Variants in AKAP9 observed in about 807,000 individuals in gnomAD.
The protein encoded by AKAP9 is A-kinase anchor protein 9.
AKAP9 carries 311 observed loss-of-function variants against 488.5 expected under a neutral mutation model. The observed-to-expected ratio is 0.64, with a 90% CI of 0.58 to 0.70. AKAP9 has a LOEUF of 0.70. Among genes scored for constraint, AKAP9 ranks in the 30% least tolerant of loss-of-function variants. The pLI is 0.00. For synonymous variants in AKAP9, 1,462 were observed against 1,483.5 expected, an observed-to-expected ratio of 0.99 and a Z score of 0.33; for missense variants, 4,215 against 4,374.5, an observed-to-expected ratio of 0.96 and a Z score of 1.03.
Position 92,077,804 on chromosome 7 carries a change from G to A in AKAP9, c.6874G>A (p.Val2292Ile), listed in dbSNP as rs751592694. 1 of 1,613,684 alleles carries A rather than the reference G, an allele frequency of 6.2e-7. No homozygotes were observed. The highest frequency in any genetic ancestry group is 8.5e-7 in the Non-Finnish European group (1 of 1,179,834). Reference protein sequence around the residue: ...KFAQIIQEKEVEIDQLNEQVT... With the variant: ...KFAQIIQEKEIEIDQLNEQVT... ...TGCTCAAATAATACAGGAAAAAGAGGTAGAAATTGACCAATTAAATGAACA... is the reference window on the plus strand; with the variant it reads ...TGCTCAAATAATACAGGAAAAAGAGATAGAAATTGACCAATTAAATGAACA... The change falls in exon 30 of 50, where the codon GTA becomes ATA. Residue 2292 changes from valine to isoleucine, a missense_variant. By Grantham distance (29) the Val-to-Ile change is conservative. Around this residue, in one of 5 missense-constraint regions of AKAP9, gnomAD observed 1,476 missense variants for 1,477.4 expected, o/e 1.00. Transcript: ENST00000356239.
intron 1 of AKAP9, among the ~76,000 whole-genome samples, chr7:91,962,129 A>T (rs886730794): frequency 3.3e-5 from 5 of 152,206 alleles, no homozygotes; most frequent in African/African-American, 1.2e-4. Context: ...GCATCATTTC[A>T]GTATAAGATG....
At chr7:92,099,047 T>G (rs528948431) in intron 43 of AKAP9, among the ~76,000 whole-genome samples, 37 of 152,296 alleles carry the variant, frequency 2.4e-4, no homozygotes, top group African/African-American at 7.7e-4. Flanking sequence ...CCCTTTCTAC[T>G]TCCTGCTCCA....
Position 92,090,911 on chromosome 7 carries a change from T to TA in AKAP9, c.9358+1383dup, listed in dbSNP as rs963191507. Among the ~76,000 whole-genome samples the TA allele has an allele frequency of 4.1e-4, 62 of 152,334 alleles. 1 individual carries two copies. Among genetic ancestry groups the TA allele is most frequent in the African/African-American group, 1.5e-3 (61 of 41,578 alleles). ...ACACTTAGTAGCAGTATATGAGAGT[T>TA]ACGTTGCTTCACATCTTTGCCAACA... On this transcript the variant is annotated intron_variant, in intron 38 of 49. Coordinates refer to ENST00000356239, the MANE Select transcript of AKAP9 (RefSeq NM_005751.5).
intron 1 of AKAP9, among the ~76,000 whole-genome samples, chr7:91,971,260 T>A (rs1795039075): frequency 6.6e-6 from 1 of 152,190 alleles, no homozygotes; most frequent in African/African-American, 2.4e-5. Flanking sequence ...ATTCTCCTGT[T>A]GAGAGCCTCT....
In AKAP9 at chr7:92,065,721, C is replaced by T. The variant is rs375443806; in HGVS notation, c.6210+258C>T. On this transcript the variant is annotated intron_variant, in intron 25 of 49. Coordinates refer to ENST00000356239, the MANE Select transcript of AKAP9 (RefSeq NM_005751.5). ...ACATGATAAAAATTATGAATAAGCC[C>T]CACTAGTTTTCCAAATTCAGATCAG... is the stretch of plus-strand genomic sequence containing the variant. Among the ~76,000 whole-genome samples the T allele has an allele frequency of 6.6e-5, 10 of 151,996 alleles. No homozygotes were observed. In the East Asian group the frequency reaches 1.9e-3, roughly 29 times the overall value.
rs1027014437 is a variant in AKAP9, at chr7:92,065,238, A to G, written c.5985A>G (p.Leu1995=). The change falls in exon 25 of 50, where the codon CTA becomes CTG. Residue 1995 remains leucine, a synonymous_variant. Coordinates refer to ENST00000356239, the MANE Select transcript of AKAP9 (RefSeq NM_005751.5). The part of the protein sequence containing the change: ...AEAGPVEQQL[L]QETEKLMKEK... ...TTTTGTATTAATAAACAGAATTACTACAGGAGACAGAAAAATTAATGAAGG... is the reference window on the plus strand; with the variant it reads ...TTTTGTATTAATAAACAGAATTACTGCAGGAGACAGAAAAATTAATGAAGG... 2 of 1,591,858 alleles carry G rather than the reference A, an allele frequency of 1.3e-6. No individual in the cohort carries two copies. The highest frequency in any genetic ancestry group is 1.3e-5 in the African/African-American group (1 of 74,468).
chr7:91,988,768 C>A (rs1027503702), intron 3 of AKAP9, among the ~76,000 whole-genome samples: 5 of 152,076 alleles, frequency 3.3e-5, no homozygotes, highest in Admixed American at 6.6e-5. Flanking sequence ...TGAACCTGGG[C>A]ACATCACTTA....
In AKAP9 at chr7:92,017,114, G is replaced by T; in HGVS notation, c.3837+12G>T. The T allele has an allele frequency of 6.6e-7, 1 of 1,523,516 alleles. No individual in the cohort carries two copies. The highest frequency in any genetic ancestry group is 2.3e-5 in the East Asian group (1 of 43,288). 94.4% of individuals were successfully genotyped at this position (1,523,516 alleles called of 1,614,324 possible). On this transcript the variant is annotated intron_variant, in intron 12 of 49. Transcript: ENST00000356239. ...CACGACTAAGCAAGGTCTGTGAGATGGAAAATATATTGTAATATTTGCATT... is the reference window on the plus strand; with the variant it reads ...CACGACTAAGCAAGGTCTGTGAGATTGAAAATATATTGTAATATTTGCATT...
At chr7:91,959,464 A>T (rs201303390) in intron 1 of AKAP9, among the ~76,000 whole-genome samples, 1 of 9,344 alleles carries the variant, frequency 1.1e-4, no homozygotes, top group Non-Finnish European at 3.3e-4. Context: ...GGCTAATTTA[A>T]AAAAAAAAAA....
At chr7:92,073,155 T>G (rs1014256548) in intron 28 of AKAP9, among the ~76,000 whole-genome samples, 1 of 151,998 alleles carries the variant, frequency 6.6e-6, no homozygotes, top group Non-Finnish European at 1.5e-5. Flanking sequence ...ATCTACTGTG[T>G]AATTAAGGAG....
intron 17 of AKAP9, 28 bp from the exon 18 acceptor site, chr7:92,040,646 G>GTTTTTTTTTTTTTTTTT: frequency 1.8e-6 from 2 of 1,118,958 alleles, no homozygotes; most frequent in African/African-American, 1.7e-5. Context: ...TGGTTGAATT[G>GTTTTTTTTTTTTTTTTT]TTTTTTTTTT....
At chr7:91,973,297 G>C (rs974953923) in intron 1 of AKAP9, among the ~76,000 whole-genome samples, 1 of 152,112 alleles carries the variant, frequency 6.6e-6, no homozygotes, top group East Asian at 1.9e-4. Flanking sequence ...GGGAGGATCT[G>C]TGGAGCCCAG....
chr7:92,052,053 T>C (rs1006428224), intron 21 of AKAP9, among the ~76,000 whole-genome samples: 12 of 152,144 alleles, frequency 7.9e-5, no homozygotes, highest in Admixed American at 7.9e-4. Flanking sequence ...TTAGACCTGC[T>C]CATCAGTCTA....
At chr7:91,970,597 A>G (rs1230118383) in intron 1 of AKAP9, 3 of 423,894 alleles carry the variant, frequency 7.1e-6, no homozygotes, top group Non-Finnish European at 1.4e-5. Flanking sequence ...TTTGCTGGAT[A>G]CAGTATCCTT....
intron 1 of AKAP9, among the ~76,000 whole-genome samples, chr7:91,961,767 T>G (rs1260384158): frequency 6.6e-6 from 1 of 150,914 alleles, no homozygotes; most frequent in African/African-American, 2.4e-5. Flanking sequence ...TGGCGTGAAC[T>G]GGGGAGGCAG....
At chr7:92,026,377 G>A (rs1584192038) in intron 14 of AKAP9, among the ~76,000 whole-genome samples, 2 of 152,106 alleles carry the variant, frequency 1.3e-5, no homozygotes, top group East Asian at 1.9e-4. Context: ...CTCTGTTGCC[G>A]AGGCTGGACT....
intron 33 of AKAP9, among the ~76,000 whole-genome samples, chr7:92,084,198 T>G (rs1199523796): frequency 1.3e-5 from 2 of 152,244 alleles, no homozygotes; most frequent in African/African-American, 4.8e-5. Context: ...GGTGTATATG[T>G]GCCACATTTT....
intron 8 of AKAP9, among the ~76,000 whole-genome samples, chr7:92,008,768 C>T (rs986021748): frequency 1.4e-4 from 21 of 151,872 alleles, no homozygotes; most frequent in African/African-American, 4.1e-4. Context: ...AGGCAGATCA[C>T]GAGGTCAGGA....
At chr7:92,046,725 T>G (rs966083392) in intron 21 of AKAP9, among the ~76,000 whole-genome samples, 6 of 152,200 alleles carry the variant, frequency 3.9e-5, no homozygotes, top group African/African-American at 1.4e-4. Context: ...TAGAGAAGAA[T>G]TAGGTAACAT....
Sources: allele counts gnomAD v4.1 joint callset (sites outside exome capture counted in the v4.1 genomes callset), GRCh38; gene constraint gnomAD v4.1.1; regional missense constraint gnomAD v4.1.1; transcripts MANE v1.5; gene names NCBI Gene and HGNC (gene_info 2026-07-23, HGNC 2026-07-21).